CNTN4: variants seen among roughly 807,000 people sequenced by gnomAD.
CNTN4 encodes contactin-4.
CNTN4 carries 77 observed loss-of-function variants against 122.5 expected under a neutral mutation model. The ratio of observed to expected loss-of-function variants is 0.63; its 90% CI spans 0.52 to 0.76. The LOEUF is 0.76. Ranked by LOEUF, CNTN4 falls within the 30% of genes least tolerant of loss-of-function variation. The probability of loss-of-function intolerance (pLI) is 0.00; values close to 1 mark genes in which losing one functional copy is unlikely to be tolerated. For missense variants in CNTN4, 1,256 were observed against 1,259.1 expected (o/e 1.00, Z 0.04); for synonymous variants, 512 against 447.0 (o/e 1.15, Z -1.83).
intron 3 of CNTN4, among the ~76,000 whole-genome samples, chr3:2,493,753 T>G (rs1242765393): frequency 1.3e-5 from 2 of 152,068 alleles, no homozygotes; most frequent in Non-Finnish European, 2.9e-5. Context: ...TGTGGCTAAA[T>G]TTTGTCCACT....
chr3:2,157,297 T>C (rs919227715), intron 2 of CNTN4, among the ~76,000 whole-genome samples: 9 of 152,090 alleles, frequency 5.9e-5, no homozygotes, highest in Admixed American at 5.2e-4. Flanking sequence ...TTTAAAGATA[T>C]GCGATATGAA....
At chr3:2,135,423 G>C (rs1220122933) in intron 2 of CNTN4, among the ~76,000 whole-genome samples, 1 of 152,206 alleles carries the variant, frequency 6.6e-6, no homozygotes, top group Non-Finnish European at 1.5e-5. Context: ...TATTCTGTAA[G>C]ATGTAATGGT....
intron 7 of CNTN4, among the ~76,000 whole-genome samples, chr3:2,829,728 G>GA (rs2093062857): frequency 1.3e-5 from 2 of 152,194 alleles, no homozygotes; most frequent in African/African-American, 4.8e-5. Context: ...CTTATGAGTA[G>GA]AAAAAAATAA....
intron 2 of CNTN4, among the ~76,000 whole-genome samples, chr3:2,126,034 C>T (rs2034139680): frequency 6.6e-6 from 1 of 152,030 alleles, no homozygotes; most frequent in African/African-American, 2.4e-5. Context: ...ATACTAAAAG[C>T]TCTTTCCGTA....
At chr3:2,220,018 A>G (rs2038999611) in intron 2 of CNTN4, among the ~76,000 whole-genome samples, 1 of 152,124 alleles carries the variant, frequency 6.6e-6, no homozygotes, top group African/African-American at 2.4e-5. Flanking sequence ...ATTGATCAAT[A>G]TTTCAGTACT....
chr3:2,126,615 G>C (rs1488341319), intron 2 of CNTN4, among the ~76,000 whole-genome samples: 1 of 152,146 alleles, frequency 6.6e-6, no homozygotes, highest in Non-Finnish European at 1.5e-5. Flanking sequence ...GCACGTAATT[G>C]TTTTGACTAG....
At chr3:2,181,058 T>G (rs2149283108) in intron 2 of CNTN4, among the ~76,000 whole-genome samples, 1 of 152,216 alleles carries the variant, frequency 6.6e-6, no homozygotes, top group East Asian at 1.9e-4. Flanking sequence ...CAGTGAAATG[T>G]GCTTTATCTG....
chr3:2,364,984 G>A (rs2045315469), intron 3 of CNTN4, among the ~76,000 whole-genome samples: 1 of 152,082 alleles, frequency 6.6e-6, no homozygotes, highest in Admixed American at 6.6e-5. Flanking sequence ...TTATCCGTTG[G>A]GGATAAGGAA....
At position 3,001,070 on chromosome 3, in the gene CNTN4, C is replaced by A. The variant is rs369073500; in HGVS notation, c.1486+12598C>A. On this transcript the variant is annotated intron_variant, in intron 14 of 24. Coordinates refer to ENST00000418658, the MANE Select transcript of CNTN4 (RefSeq NM_175607.3). Reference sequence around the variant, plus strand: ...ATTTGAAGGGGTTCAATAAACAGTACCTTGTTCAGTGCCTGAGTTTTGAAA... The same window carrying A: ...ATTTGAAGGGGTTCAATAAACAGTAACTTGTTCAGTGCCTGAGTTTTGAAA... Among the ~76,000 whole-genome samples, 28 of 152,110 alleles carry A rather than the reference C, an allele frequency of 1.8e-4. No individual in the cohort carries two copies. In the South Asian group the frequency reaches 3.3e-3, roughly 18 times the overall value.
In CNTN4 at chr3:2,277,733, A is replaced by T. The variant is rs145992786; in HGVS notation, c.-144-61445A>T. Reference sequence around the variant, plus strand: ...CTTCCTCCTGGTTTGTCCTTTTGTCACTTGGAAAATATTGATTTCCCTCCA... The same window carrying T: ...CTTCCTCCTGGTTTGTCCTTTTGTCTCTTGGAAAATATTGATTTCCCTCCA... On this transcript the variant is annotated intron_variant, in intron 2 of 24. Transcript: ENST00000418658. 3.4e-3 allele frequency among the ~76,000 whole-genome samples: 515 copies of T among 152,184 alleles called. 4 individuals are homozygous for T. Among genetic ancestry groups the T allele is most frequent in the African/African-American group, 0.012 (490 of 41,518 alleles).
At position 2,769,831 on chromosome 3, in the gene CNTN4, C is replaced by T. The variant is rs552692782; in HGVS notation, c.358+24134C>T. Among the ~76,000 whole-genome samples, 115 of 152,276 alleles carry T rather than the reference C, an allele frequency of 7.6e-4. 1 individual carries two copies. Among genetic ancestry groups the T allele is most frequent in the African/African-American group, 2.6e-3 (109 of 41,564 alleles). ...CATCAGCGGAGCCAAGGGTCTACAACAAGCAGATCAAAAATAGCAGCAAGA... is the reference window on the plus strand; with the variant it reads ...CATCAGCGGAGCCAAGGGTCTACAATAAGCAGATCAAAAATAGCAGCAAGA... On this transcript the variant is annotated intron_variant, in intron 6 of 24. Transcript: ENST00000418658.
intron 4 of CNTN4, among the ~76,000 whole-genome samples, chr3:2,588,575 C>T (rs2080315874): frequency 6.6e-6 from 1 of 151,884 alleles, no homozygotes; most frequent in Admixed American, 6.6e-5. Context: ...CTATGTTGGC[C>T]AGACTGGTCT....
At chr3:2,966,409 C>A (rs1692313263) in intron 13 of CNTN4, among the ~76,000 whole-genome samples, 1 of 151,890 alleles carries the variant, frequency 6.6e-6, no homozygotes, top group South Asian at 2.1e-4. Flanking sequence ...CGTTCTCACC[C>A]ACATGTAGAA....
intron 2 of CNTN4, among the ~76,000 whole-genome samples, chr3:2,338,389 G>A (rs1038761581): frequency 1.3e-5 from 2 of 151,756 alleles, no homozygotes; most frequent in African/African-American, 4.8e-5. Context: ...TTAAGAATAA[G>A]CCAGAGTAGA....
intron 2 of CNTN4, among the ~76,000 whole-genome samples, chr3:2,176,734 T>G (rs1446222061): frequency 6.6e-6 from 1 of 152,160 alleles, no homozygotes; most frequent in Non-Finnish European, 1.5e-5. Flanking sequence ...GGTTAAATTT[T>G]AAGATATTTG....
intron 2 of CNTN4, among the ~76,000 whole-genome samples, chr3:2,312,533 A>G (rs944073134): frequency 1.3e-5 from 2 of 152,072 alleles, no homozygotes; most frequent in African/African-American, 4.8e-5. Flanking sequence ...GTGAGCCAGG[A>G]GAAACTTCTC....
chr3:2,931,157 G>A (rs1242737579), intron 13 of CNTN4, among the ~76,000 whole-genome samples: 1 of 152,158 alleles, frequency 6.6e-6, no homozygotes, highest in Non-Finnish European at 1.5e-5. Context: ...GCAATTCCAG[G>A]TAGCAGTCTA....
At chr3:2,488,920 A>G (rs766538362) in intron 3 of CNTN4, among the ~76,000 whole-genome samples, 9 of 152,194 alleles carry the variant, frequency 5.9e-5, no homozygotes, top group Non-Finnish European at 1.0e-4. Flanking sequence ...TTAATAATAG[A>G]TAGTCTAGAA....
rs576683161 is a variant in CNTN4 at position 2,752,844 on chromosome 3, C to A, written c.358+7147C>A. Among the ~76,000 whole-genome samples, 6 of 152,294 alleles carry A rather than the reference C, an allele frequency of 3.9e-5. No individual in the cohort carries two copies. The East Asian group carries it at 1.2e-3, about 29-fold the overall frequency. On this transcript the variant is annotated intron_variant, in intron 6 of 24. Transcript: ENST00000418658. ...TACTAAATAAGACCAACTTATTTAG[C>A]TTCCACATACAATTGAGAATATGTG...
Sources: gnomAD v4.1 joint callset for allele counts (sites outside exome capture counted in the v4.1 genomes callset) on GRCh38, gnomAD v4.1.1 for gene constraint, MANE v1.5 for transcripts, NCBI Gene and HGNC (gene_info 2026-07-23, HGNC 2026-07-21) for gene names.